MEIS2: variants seen among roughly 807,000 people sequenced by gnomAD.
The protein encoded by MEIS2 is homeobox protein Meis2.
In MEIS2, 9 loss-of-function variants were observed where a neutral mutation model predicts 58.6. The observed-to-expected ratio is 0.15, with a 90% CI of 0.09 to 0.27. The LOEUF (loss-of-function observed/expected upper bound fraction) is 0.27, where lower values mean the gene tolerates loss of function less well. Among genes scored for constraint, MEIS2 ranks in the 10% least tolerant of loss-of-function variants. The probability of loss-of-function intolerance (pLI) is 1.00; values close to 1 mark genes in which losing one functional copy is unlikely to be tolerated. For missense variants in MEIS2, 427 were observed against 635.0 expected (o/e 0.67, Z 3.52); for synonymous variants, 221 against 228.4 (o/e 0.97, Z 0.29).
At chr15:37,054,655 G>A (rs929233145) in intron 7 of MEIS2, among the ~76,000 whole-genome samples, 1 of 152,142 alleles carries the variant, frequency 6.6e-6, no homozygotes, top group African/African-American at 2.4e-5. Context: ...GTGAGCTCAA[G>A]CGATTCTCCT....
At chr15:36,961,910 T>C (rs2059195947) in intron 8 of MEIS2, among the ~76,000 whole-genome samples, 1 of 152,252 alleles carries the variant, frequency 6.6e-6, no homozygotes, top group Non-Finnish European at 1.5e-5. Flanking sequence ...AAATTAGTAG[T>C]ATATCTTTAT....
intron 9 of MEIS2, among the ~76,000 whole-genome samples, chr15:36,936,121 T>C (rs61425593): frequency 0.038 from 5,779 of 152,170 alleles, 251 homozygotes; most frequent in East Asian, 0.17. Flanking sequence ...CCAGGCACTA[T>C]GGCAGGCACC....
chr15:37,093,638 G>T lies in MEIS2; in HGVS notation c.582C>A (p.Gly194=), dbSNP rs772631421. Residue 194 remains glycine, a synonymous_variant, in exon 6 of 12, where the codon GGC becomes GGA. Transcript: ENST00000561208. ...PIDLVIDERD[G]SSKSDHEELS... is the part of the protein sequence containing the mutation. ...GTTCTTCATGATCTGACTTGGAGCT[G>T]CCGTCTCTTTCATCAATGACGAGGT... 6.8e-6 allele frequency: 11 copies of T among 1,614,182 alleles called. No homozygotes were observed. In the South Asian group the frequency reaches 1.2e-4, roughly 18 times the overall value.
intron 9 of MEIS2, among the ~76,000 whole-genome samples, chr15:36,938,641 A>G (rs1022009529): frequency 6.6e-6 from 1 of 152,166 alleles, no homozygotes; most frequent in Non-Finnish European, 1.5e-5. Flanking sequence ...TGTTCTAATC[A>G]ATTCAAAATA....
chr15:36,980,081 C>T (rs77397918), intron 8 of MEIS2, among the ~76,000 whole-genome samples: 224 of 151,802 alleles, frequency 1.5e-3, no homozygotes, highest in African/African-American at 5.1e-3. Flanking sequence ...ATTAAACTCC[C>T]AATTCATTTT....
intron 8 of MEIS2, among the ~76,000 whole-genome samples, chr15:36,994,515 A>G (rs1234183977): frequency 1.3e-5 from 2 of 152,160 alleles, no homozygotes; most frequent in African/African-American, 4.8e-5. Context: ...TCCTTTCGTA[A>G]TGGTAAATTT....
intron 9 of MEIS2, among the ~76,000 whole-genome samples, chr15:36,923,895 A>G (rs1463418115): frequency 6.6e-6 from 1 of 152,208 alleles, no homozygotes; most frequent in Non-Finnish European, 1.5e-5. Context: ...ATCTGTGGGA[A>G]AAGGGGCTGC....
chr15:37,034,500 A>C (rs2062064269), intron 8 of MEIS2, among the ~76,000 whole-genome samples: 2 of 152,172 alleles, frequency 1.3e-5, no homozygotes, highest in Admixed American at 1.3e-4. Flanking sequence ...ACAAGCTCTT[A>C]CTGTTAGTTC....
In MEIS2 at chr15:36,892,374, C is replaced by T. The variant is rs57860578; in HGVS notation, c.1233G>A (p.Gln411=). ...SMAQPSYTPP[Q]MTPHPTQLRH... Reference sequence around the variant, plus strand: ...TTAATTGAGTAGGGTGTGGGGTCATCTGGGGAGGAGTGTAACTTGGCTGTG... The same window carrying T: ...TTAATTGAGTAGGGTGTGGGGTCATTTGGGGAGGAGTGTAACTTGGCTGTG... Residue 411 remains glutamine (Q), a synonymous_variant, in exon 12 of 12, where the codon CAG becomes CAA. Coordinates refer to ENST00000561208, the MANE Select transcript of MEIS2 (RefSeq NM_170675.5). The T allele has an allele frequency of 1.9e-6, 3 of 1,613,786 alleles. No homozygotes were observed. The African/African-American group carries it at 4.0e-5, about 22-fold the overall frequency.
At chr15:37,094,471 T>A in intron 5 of MEIS2, 56 bp downstream of exon 5, 1 of 1,555,586 alleles carries the variant, frequency 6.4e-7, no homozygotes, top group Non-Finnish European at 8.8e-7. Flanking sequence ...ACATCCCAAC[T>A]CAACTAGGAG....
chr15:36,938,343 C>T (rs1010957702), intron 9 of MEIS2, among the ~76,000 whole-genome samples: 1 of 152,160 alleles, frequency 6.6e-6, no homozygotes, highest in Non-Finnish European at 1.5e-5. Context: ...TTATTTTATG[C>T]TACCTATTGT....
chr15:37,011,245 A>G (rs1450896936), intron 8 of MEIS2, among the ~76,000 whole-genome samples: 1 of 152,232 alleles, frequency 6.6e-6, no homozygotes, highest in Non-Finnish European at 1.5e-5. Flanking sequence ...CTCCACACAA[A>G]ATTCAGTCAT....
rs2060020506 is a variant in MEIS2, at chr15:36,984,158, C to G, written c.901-33758G>C. 2.0e-5 allele frequency among the ~76,000 whole-genome samples: 3 copies of G among 151,904 alleles called. No homozygotes were observed. The South Asian group carries it at 6.2e-4, about 32-fold the overall frequency. On this transcript the variant is annotated intron_variant, in intron 8 of 11. Coordinates refer to ENST00000561208, the MANE Select transcript of MEIS2 (RefSeq NM_170675.5). ...TATTTCTTTTTCTTGCCTAATTGCTCTGGCTAAGATTTCCAGTACTAGGTT... is the reference window on the plus strand; with the variant it reads ...TATTTCTTTTTCTTGCCTAATTGCTGTGGCTAAGATTTCCAGTACTAGGTT...
intron 9 of MEIS2, among the ~76,000 whole-genome samples, chr15:36,908,524 T>C (rs571590360): frequency 2.0e-5 from 3 of 152,312 alleles, no homozygotes; most frequent in Admixed American, 6.5e-5. Flanking sequence ...TTTGAAAGAA[T>C]TTTTACAGCA....
At chr15:36,942,763 GA>G (rs566407098) in intron 9 of MEIS2, among the ~76,000 whole-genome samples, 1 of 151,004 alleles carries the variant, frequency 6.6e-6, no homozygotes, top group African/African-American at 2.4e-5. Context: ...GAAGAAATGA[GA>G]AAAAAAAATT....
rs374529989 is a variant in MEIS2 at position 36,976,379 on chromosome 15, T to C, written c.901-25979A>G. 8.6e-4 allele frequency among the ~76,000 whole-genome samples: 130 copies of C among 151,934 alleles called. 1 individual carries two copies. In the East Asian group the frequency reaches 0.015, roughly 18 times the overall value. Reference sequence around the variant, plus strand: ...GATTACAGGCGTGAGCCACCGCGCCTGGCCTATAAAGAGATTTTTTTAAAA... The same window carrying C: ...GATTACAGGCGTGAGCCACCGCGCCCGGCCTATAAAGAGATTTTTTTAAAA... On this transcript the variant is annotated intron_variant, in intron 8 of 11. Transcript: ENST00000561208.
intron 8 of MEIS2, among the ~76,000 whole-genome samples, chr15:37,034,218 G>A (rs954214908): frequency 6.6e-6 from 1 of 152,152 alleles, no homozygotes; most frequent in South Asian, 2.1e-4. Context: ...AGGAGCATGG[G>A]AAAGGAGCTT....
chr15:37,096,188 A>G (rs899274783), intron 3 of MEIS2, 101 bp downstream of exon 3: 74 of 1,305,758 alleles, frequency 5.7e-5, no homozygotes, highest in Non-Finnish European at 7.2e-5. Context: ...AGAGGAACAG[A>G]TAGGGTGTCC....
Position 37,094,510 on chromosome 15 carries a change from CG to C in MEIS2, c.489+16del. The C allele has an allele frequency of 6.2e-7, 1 of 1,611,000 alleles. No individual in the cohort carries two copies. On this transcript the variant is annotated intron_variant, in intron 5 of 11. Transcript: ENST00000561208. ...GAAATGGTTTAATCAACACGGGGAGCGTTATTTCCTGCTTACCTTTTCTAAC... is the reference window on the plus strand; with the variant it reads ...GAAATGGTTTAATCAACACGGGGAGCTTATTTCCTGCTTACCTTTTCTAAC...
Sources: gnomAD v4.1 joint callset for allele counts (sites outside exome capture counted in the v4.1 genomes callset) on GRCh38, gnomAD v4.1.1 for gene constraint, MANE v1.5 for transcripts, NCBI Gene and HGNC (gene_info 2026-07-23, HGNC 2026-07-21) for gene names.